Variants in ERCC8 observed in about 807,000 individuals in gnomAD.
ERCC8 encodes ERCC excision repair 8, CSA ubiquitin ligase complex subunit.
A neutral mutation model predicts 54.9 loss-of-function variants in ERCC8; 52 were observed. The observed-to-expected ratio is 0.95, with a 90% CI of 0.76 to 1.19. The LOEUF (loss-of-function observed/expected upper bound fraction) is 1.19, where lower values mean the gene tolerates loss of function less well. Ranked by LOEUF, ERCC8 falls within the 50% of genes most tolerant of loss-of-function variation. The pLI is 0.00. For synonymous variants in ERCC8, 146 were observed against 157.2 expected, an observed-to-expected ratio of 0.93 and a Z score of 0.53; for missense variants, 514 against 466.1, an observed-to-expected ratio of 1.10 and a Z score of -0.95.
chr5:60,918,901 G>T (rs1321014563), intron 3 of ERCC8, among the ~76,000 whole-genome samples: 1 of 151,972 alleles, frequency 6.6e-6, no homozygotes, highest in Non-Finnish European at 1.5e-5. Context: ...CACATCTTAT[G>T]TAACCCACCA....
chr5:60,892,076 G>T, intron 9 of ERCC8: 4 of 530,114 alleles, frequency 7.5e-6, no homozygotes, highest in South Asian at 5.6e-5. Context: ...TGTTGTAGGG[G>T]GTCCATCTCC....
intron 9 of ERCC8, chr5:60,893,679 TA>T: frequency 2.1e-6 from 1 of 486,422 alleles, no homozygotes; most frequent in Non-Finnish European, 3.7e-6. Context: ...CTTGTGCTGC[TA>T]GGCTCCGGAC....
rs562220187 is a variant in ERCC8 at position 60,874,599 on chromosome 5, G to A, written c.*16C>T. 2.5e-6 allele frequency: 4 copies of A among 1,610,080 alleles called. 1 individual carries two copies. In the South Asian group the frequency reaches 3.3e-5, roughly 13 times the overall value. On this transcript the variant is annotated 3_prime_UTR_variant, in exon 12 of 12. Coordinates refer to ENST00000676185, the MANE Select transcript of ERCC8 (RefSeq NM_000082.4). ...AAAAAGTTTCAGCAGAGACAAAAAG[G>A]TACTAAAGATGATATTCATCCTTCT...
chr5:60,916,401 G>C (rs1466729297), intron 4 of ERCC8, among the ~76,000 whole-genome samples: 1 of 152,008 alleles, frequency 6.6e-6, no homozygotes, highest in Non-Finnish European at 1.5e-5. Flanking sequence ...ATGCATTTCT[G>C]TAAGTGTTCC....
intron 3 of ERCC8, chr5:60,919,258 G>A (rs1374270858): frequency 6.6e-6 from 1 of 152,020 alleles, no homozygotes; most frequent in African/African-American, 2.4e-5. Flanking sequence ...TTATGAGGGT[G>A]GATGGGTGGG....
intron 11 of ERCC8, among the ~76,000 whole-genome samples, chr5:60,876,209 T>C (rs1748000965): frequency 6.6e-6 from 1 of 152,222 alleles, no homozygotes; most frequent in Non-Finnish European, 1.5e-5. Context: ...GGACATGAAC[T>C]CATCATTTTT....
At chr5:60,907,351 G>GATT (rs1348111050) in intron 4 of ERCC8, 23 of 132,066 alleles carry the variant, frequency 1.7e-4, no homozygotes, top group African/African-American at 6.5e-4. Flanking sequence ...ATAGAAACAT[G>GATT]ATTCTTTTTT....
chr5:60,881,657 G>T (rs971128637), intron 11 of ERCC8, among the ~76,000 whole-genome samples: 8 of 152,224 alleles, frequency 5.3e-5, no homozygotes, highest in African/African-American at 1.4e-4. Flanking sequence ...GACCCTCCGA[G>T]CCAGGCGCAG....
chr5:60,888,091 A>C (rs183767285), intron 10 of ERCC8, among the ~76,000 whole-genome samples: 2 of 152,290 alleles, frequency 1.3e-5, no homozygotes, highest in Admixed American at 1.3e-4. Context: ...TGGCTGAACA[A>C]TGCTCATGCC....
intron 9 of ERCC8, chr5:60,892,859 T>G: frequency 4.3e-6 from 3 of 694,550 alleles, no homozygotes; most frequent in East Asian, 2.5e-5. Flanking sequence ...GCTTCAGGCT[T>G]TTAATCAGGC....
chr5:60,877,240 T>G (rs1748040811), intron 11 of ERCC8, among the ~76,000 whole-genome samples: 1 of 152,208 alleles, frequency 6.6e-6, no homozygotes, highest in South Asian at 2.1e-4. Context: ...TTGGTCTATA[T>G]CTCTGTTTTG....
In ERCC8 at chr5:60,869,002, T is replaced by TA. The variant is rs1747808959; in HGVS notation, c.*5612dup. Reference sequence around the variant, plus strand: ...CTTGCCATTCCATTTCTGGCATAGTTAGAGTGATTTTAAGTTTACTGCTTT... The same window carrying TA: ...CTTGCCATTCCATTTCTGGCATAGTTAAGAGTGATTTTAAGTTTACTGCTTT... On this transcript the variant is annotated 3_prime_UTR_variant, in exon 12 of 12. Coordinates refer to ENST00000676185, the MANE Select transcript of ERCC8 (RefSeq NM_000082.4). Among the ~76,000 whole-genome samples, 1 of 152,192 alleles carries TA rather than the reference T, an allele frequency of 6.6e-6. No individual in the cohort carries two copies. The highest frequency in any genetic ancestry group is 6.5e-5 in the Admixed American group (1 of 15,288).
In ERCC8 at chr5:60,868,438, T is replaced by C. The variant is rs1212139114; in HGVS notation, c.*6177A>G. Among the ~76,000 whole-genome samples, 1 of 152,218 alleles carries C rather than the reference T, an allele frequency of 6.6e-6. No homozygotes were observed. Among genetic ancestry groups the C allele is most frequent in the Non-Finnish European group, 1.5e-5 (1 of 68,034 alleles). On this transcript the variant is annotated 3_prime_UTR_variant, in exon 12 of 12. Transcript: ENST00000676185. ...AGGACATTGGGCACCTGAAAAGTCC[T>C]ACACACAGAGAACTAAGAGAGGTCG...
chr5:60,938,396 C>G (rs1750156256), intron 1 of ERCC8, among the ~76,000 whole-genome samples: 1 of 142,192 alleles, frequency 7.0e-6, no homozygotes, highest in Non-Finnish European at 1.5e-5. Context: ...GCTCTGTCGC[C>G]AGGCTGGAGT....
In ERCC8 at chr5:60,871,745, T is replaced by G. The variant is rs1747867285; in HGVS notation, c.*2870A>C. On this transcript the variant is annotated 3_prime_UTR_variant, in exon 12 of 12. Transcript: ENST00000676185. ...AGTAAGTAAAACAGTTACTTGCAGTTTGGAAGCAGACTTCCTTTTTCTTAA... is the reference window on the plus strand; with the variant it reads ...AGTAAGTAAAACAGTTACTTGCAGTGTGGAAGCAGACTTCCTTTTTCTTAA... 6.6e-6 allele frequency among the ~76,000 whole-genome samples: 1 copy of G among 152,216 alleles called. No individual in the cohort carries two copies. Among genetic ancestry groups the G allele is most frequent in the African/African-American group, 2.4e-5 (1 of 41,464 alleles).
At chr5:60,942,004 T>C (rs1008713029) in intron 1 of ERCC8, among the ~76,000 whole-genome samples, 2 of 152,176 alleles carry the variant, frequency 1.3e-5, no homozygotes. Context: ...AAGGTTTCTA[T>C]ATGCCAAATG....
At chr5:60,901,151 TA>T (rs1748893618) in intron 7 of ERCC8, among the ~76,000 whole-genome samples, 1 of 152,022 alleles carries the variant, frequency 6.6e-6, no homozygotes, top group Non-Finnish European at 1.5e-5. Flanking sequence ...TGAAAATATA[TA>T]AAAATATTTG....
At chr5:60,896,373 G>T (rs1748725873) in intron 9 of ERCC8, among the ~76,000 whole-genome samples, 1 of 150,424 alleles carries the variant, frequency 6.6e-6, no homozygotes, top group African/African-American at 2.5e-5. Context: ...CCCACCACTG[G>T]CTAATTTTTT....
chr5:60,902,917 G>A (rs1201549964), intron 6 of ERCC8, among the ~76,000 whole-genome samples: 1 of 151,908 alleles, frequency 6.6e-6, no homozygotes, highest in Non-Finnish European at 1.5e-5. Context: ...CATGCTTGTA[G>A]AAAAGCATTT....
Sources: allele counts gnomAD v4.1 joint callset (sites outside exome capture counted in the v4.1 genomes callset), GRCh38; gene constraint gnomAD v4.1.1; transcripts MANE v1.5; gene names NCBI Gene and HGNC (gene_info 2026-07-23, HGNC 2026-07-21).